The following BRIP1 variants were observed in gnomAD, a reference collection of about 807,000 sequenced individuals.
The protein encoded by BRIP1 is BRCA1 interacting DNA helicase 1.
BRIP1 carries 88 observed loss-of-function variants against 119.7 expected under a neutral mutation model. The observed-to-expected ratio is 0.74, with a 90% confidence interval of 0.62 to 0.88. BRIP1 has a LOEUF of 0.88. BRIP1 is among the 40% of genes least tolerant of loss of function. BRIP1 has a pLI of 0.00. For synonymous variants in BRIP1, 443 were observed against 496.5 expected (o/e 0.89, Z 1.43); for missense variants, 1,259 against 1,455.4 (o/e 0.87, Z 2.20).
In BRIP1 at chr17:61,680,480, C is replaced by CTTTCTT. The variant is rs1555571892; in HGVS notation, c.*2815_*2816insAAGAAA. 0.24 allele frequency among the ~76,000 whole-genome samples: 29,785 copies of CTTTCTT among 123,824 alleles called. 4,484 individuals carry two copies. The highest frequency in any genetic ancestry group is 0.44 in the Admixed American group (5,036 of 11,336). The allele number at this position is 123,824 out of a possible 152,430, so 81.2% of individuals were successfully genotyped here. A position where few individuals can be genotyped will look rare whatever the true frequency, so the allele number is the denominator to read the frequency against. ...AGTTTACCAATTCTAAAGGTAATTT[C>CTTTCTT]TTTTTTTTTTTTTTTTTGAGACGGA... On this transcript the variant is annotated 3_prime_UTR_variant, in exon 20 of 20. Coordinates refer to ENST00000259008, the MANE Select transcript of BRIP1 (RefSeq NM_032043.3).
At position 61,824,402 on chromosome 17, in the gene BRIP1, T is replaced by C. The variant is rs1021339878; in HGVS notation, c.628-15645A>G. Among the ~76,000 whole-genome samples the C allele has an allele frequency of 2.0e-5, 3 of 152,204 alleles. No individual in the cohort carries two copies. Among genetic ancestry groups the C allele is most frequent in the African/African-American group, 7.2e-5 (3 of 41,464 alleles). The stretch of plus-strand genomic sequence containing the variant: ...AAACTGGAGGTCTCACATTTTCTGA[T>C]TTCTAAACTTACTACAAAGCTACAG... On this transcript the variant is annotated intron_variant, in intron 6 of 19. Coordinates refer to ENST00000259008, the MANE Select transcript of BRIP1 (RefSeq NM_032043.3). This position sits in a 1 kb window ranked among gnomAD's most constrained non-coding sequence, Gnocchi z 4.3.
rs145601931 is a variant in BRIP1, at chr17:61,808,517, C to T, written c.868G>A (p.Gly290Ser). The T allele has an allele frequency of 8.7e-6, 14 of 1,613,718 alleles. No individual in the cohort carries two copies. Among genetic ancestry groups the T allele is most frequent in the Non-Finnish European group, 1.1e-5 (13 of 1,179,732 alleles). ...DHTCVHPEVV[G>S]NFNRNEKCME... ...CACTTCTCATTTCTGTTGAAGTTAC[C>T]GACTACCTCAGGATGGACACAAGTA... Residue 290 changes from glycine to serine, a missense_variant, in exon 7 of 20, where the codon GGT becomes AGT. By Grantham distance (56) the Gly-to-Ser change is moderately conservative (BLOSUM62 0). Transcript: ENST00000259008. This position sits in a 1 kb window ranked among gnomAD's most constrained non-coding sequence, Gnocchi z 4.1.
At position 61,708,990 on chromosome 17, in the gene BRIP1, G is replaced by A. The variant is rs1460048975; in HGVS notation, c.2492+6961C>T. ...CCATCTTTAATACGTCCTCAGCTGT[G>A]CCTGGTGTTGAAGAATACAGAGTCT... On this transcript the variant is annotated intron_variant, in intron 17 of 19. Transcript: ENST00000259008. The surrounding 1 kb of genome is among the most constrained non-coding windows in gnomAD (Gnocchi z 4.4). 6.6e-6 allele frequency among the ~76,000 whole-genome samples: 1 copy of A among 152,160 alleles called. No homozygotes were observed. The highest frequency in any genetic ancestry group is 2.1e-4 in the South Asian group (1 of 4,826).
intron 17 of BRIP1, among the ~76,000 whole-genome samples, chr17:61,698,128 G>A (rs2061557098): frequency 6.6e-6 from 1 of 152,098 alleles, no homozygotes; most frequent in Non-Finnish European, 1.5e-5. Flanking sequence ...GCTTTTTTAA[G>A]TTTCCCTGGG....
rs1258466061 is a variant in BRIP1, at chr17:61,700,470, G to T, written c.2493-6958C>A. Among the ~76,000 whole-genome samples, 1 of 152,108 alleles carries T rather than the reference G, an allele frequency of 6.6e-6. No homozygotes were observed. The highest frequency in any genetic ancestry group is 1.5e-5 in the Non-Finnish European group (1 of 68,020). ...CTGAAGGACAGTTTTGTTAGATATA[G>T]TATTCTTGGTTGACAGTCATTTTCT... On this transcript the variant is annotated intron_variant, in intron 17 of 19. Coordinates refer to ENST00000259008, the MANE Select transcript of BRIP1 (RefSeq NM_032043.3). The surrounding 1 kb of genome is among the most constrained non-coding windows in gnomAD (Gnocchi z 4.1).
rs1438889166 is a variant in BRIP1 at position 61,679,627 on chromosome 17, T to TA, written c.*3668_*3669insT. Among the ~76,000 whole-genome samples the TA allele has an allele frequency of 3.3e-5, 5 of 152,220 alleles. No individual in the cohort carries two copies. In the East Asian group the frequency reaches 9.6e-4, roughly 29 times the overall value. On this transcript the variant is annotated 3_prime_UTR_variant, in exon 20 of 20. Coordinates refer to ENST00000259008, the MANE Select transcript of BRIP1 (RefSeq NM_032043.3). The surrounding 1 kb of genome is among the most constrained non-coding windows in gnomAD (Gnocchi z 4.4). Reference sequence around the variant, plus strand: ...AATTTTTCTTTCCTCAAATCTTTATTGTCAGTCTATCACCTATATATCTAT... The same window carrying TA: ...AATTTTTCTTTCCTCAAATCTTTATTAGTCAGTCTATCACCTATATATCTAT...
chr17:61,829,928 CTT>C (rs59921365), intron 6 of BRIP1, among the ~76,000 whole-genome samples: 3 of 147,534 alleles, frequency 2.0e-5, no homozygotes, highest in East Asian at 2.0e-4. Flanking sequence ...AAGTTTCAAT[CTT>C]TTTTTTTTTC....
At chr17:61,764,475 G>A (rs2077322491) in intron 14 of BRIP1, among the ~76,000 whole-genome samples, 1 of 152,066 alleles carries the variant, frequency 6.6e-6, no homozygotes, top group Non-Finnish European at 1.5e-5. Flanking sequence ...AAGTATATTT[G>A]GAGACTACCA....
At chr17:61,863,080 A>G (rs961703326) in intron 1 of BRIP1, among the ~76,000 whole-genome samples, 6 of 151,710 alleles carry the variant, frequency 4.0e-5, no homozygotes, top group Non-Finnish European at 8.8e-5. Context: ...TCCCGCCAAG[A>G]ATTAACGCAG....
rs1359039932 is a variant in BRIP1, at chr17:61,789,785, T to C, written c.1473+3812A>G. Among the ~76,000 whole-genome samples, 1 of 152,188 alleles carries C rather than the reference T, an allele frequency of 6.6e-6. No individual in the cohort carries two copies. The highest frequency in any genetic ancestry group is 1.5e-5 in the Non-Finnish European group (1 of 68,022). ...AAAAGAGGGTAAAACAAATGTGTCA[T>C]ATCAGAAATATATTTATAATAAGCA... On this transcript the variant is annotated intron_variant, in intron 10 of 19. Transcript: ENST00000259008. This position sits in a 1 kb window ranked among gnomAD's most constrained non-coding sequence, Gnocchi z 4.8.
chr17:61,791,376 C>A (rs1012420508), intron 10 of BRIP1, among the ~76,000 whole-genome samples: 1 of 144,532 alleles, frequency 6.9e-6, no homozygotes, highest in Non-Finnish European at 1.5e-5. Flanking sequence ...GTAGTCCCAG[C>A]AACTCAGGAG....
chr17:61,697,167 A>C (rs2061538048), intron 17 of BRIP1, among the ~76,000 whole-genome samples: 1 of 150,054 alleles, frequency 6.7e-6, no homozygotes, highest in Non-Finnish European at 1.5e-5. Context: ...AACATAGTGA[A>C]ACCCCGTCTC....
rs1451427365 is a variant in BRIP1 at position 61,709,488 on chromosome 17, T to A, written c.2492+6463A>T. On this transcript the variant is annotated intron_variant, in intron 17 of 19. Coordinates refer to ENST00000259008, the MANE Select transcript of BRIP1 (RefSeq NM_032043.3). The surrounding 1 kb of genome is among the most constrained non-coding windows in gnomAD (Gnocchi z 5.0). ...GCTCCAAGGCAACAGACCATAACAC[T>A]GGGAAGGATAGGAAGAAGATTAATA... Among the ~76,000 whole-genome samples the A allele has an allele frequency of 6.6e-6, 1 of 152,078 alleles. No individual in the cohort carries two copies. The highest frequency in any genetic ancestry group is 1.5e-5 in the Non-Finnish European group (1 of 68,014).
intron 6 of BRIP1, among the ~76,000 whole-genome samples, chr17:61,813,278 T>A (rs1000658122): frequency 9.2e-5 from 14 of 151,448 alleles, no homozygotes; most frequent in Non-Finnish European, 2.1e-4. Context: ...ATACAAAAAC[T>A]TGTGTTCTTC....
At position 61,693,213 on chromosome 17, in the gene BRIP1, G is replaced by C. The variant is rs149047415; in HGVS notation, c.2575+217C>G. 1.7e-3 allele frequency among the ~76,000 whole-genome samples: 258 copies of C among 152,236 alleles called. No individual in the cohort carries two copies. The highest frequency in any genetic ancestry group is 3.2e-3 in the Non-Finnish European group (217 of 68,000). The stretch of plus-strand genomic sequence containing the variant: ...GCGGTGGTTGTCAGTGGACAGGGGG[G>C]AGAGGGACATGGGGCATTGCTGTTC... On this transcript the variant is annotated intron_variant, in intron 18 of 19. Coordinates refer to ENST00000259008, the MANE Select transcript of BRIP1 (RefSeq NM_032043.3). This position sits in a 1 kb window ranked among gnomAD's most constrained non-coding sequence, Gnocchi z 4.2.
Position 61,751,566 on chromosome 17 carries a change from C to G in BRIP1, c.2098-6975G>C, listed in dbSNP as rs1266223550. 6.6e-6 allele frequency among the ~76,000 whole-genome samples: 1 copy of G among 152,088 alleles called. No homozygotes were observed. The highest frequency in any genetic ancestry group is 1.5e-5 in the Non-Finnish European group (1 of 68,008). On this transcript the variant is annotated intron_variant, in intron 14 of 19. Coordinates refer to ENST00000259008, the MANE Select transcript of BRIP1 (RefSeq NM_032043.3). This position sits in a 1 kb window ranked among gnomAD's most constrained non-coding sequence, Gnocchi z 6.7. ...CTATTTAGTAACATAAATAAATGAA[C>G]TAGTTTCTCACATATTAACCAGGAT...
chr17:61,797,846 G>A (rs1416847728), intron 9 of BRIP1, among the ~76,000 whole-genome samples: 1 of 151,966 alleles, frequency 6.6e-6, no homozygotes, highest in Non-Finnish European at 1.5e-5. Context: ...TGCATATTAA[G>A]GAAAATGAAT....
chr17:61,771,129 A>C (rs959413689), intron 14 of BRIP1, among the ~76,000 whole-genome samples: 1 of 152,256 alleles, frequency 6.6e-6, no homozygotes, highest in Non-Finnish European at 1.5e-5. Context: ...ATAATGCTGA[A>C]CATGGAAACA....
At position 61,720,452 on chromosome 17, in the gene BRIP1, T is replaced by C. The variant is rs2061955076; in HGVS notation, c.2380-4389A>G. The stretch of plus-strand genomic sequence containing the variant: ...GGAAACATTTTAGGCTTTCAAGATA[T>C]ATTAACAAAACTTATACAGCAGTTC... On this transcript the variant is annotated intron_variant, in intron 16 of 19. Coordinates refer to ENST00000259008, the MANE Select transcript of BRIP1 (RefSeq NM_032043.3). The surrounding 1 kb of genome is among the most constrained non-coding windows in gnomAD (Gnocchi z 4.3). Among the ~76,000 whole-genome samples the C allele has an allele frequency of 6.6e-6, 1 of 152,232 alleles. No individual in the cohort carries two copies. The highest frequency in any genetic ancestry group is 2.4e-5 in the African/African-American group (1 of 41,464).
Sources: allele counts gnomAD v4.1 joint callset (sites outside exome capture counted in the v4.1 genomes callset), GRCh38; gene constraint gnomAD v4.1.1; non-coding constraint Gnocchi (gnomAD v3.1); transcripts MANE v1.5; gene names NCBI Gene and HGNC (gene_info 2026-07-23, HGNC 2026-07-21).